The following CNTN1 variants were observed in gnomAD, a reference collection of about 807,000 sequenced individuals.
The protein encoded by CNTN1 is contactin-1.
A neutral mutation model predicts 126.4 loss-of-function variants in CNTN1; 38 were observed. The observed-to-expected ratio is 0.30, with a 90% CI of 0.23 to 0.39. CNTN1 has a LOEUF of 0.39. CNTN1 is among the 10% of genes least tolerant of loss of function. The probability of loss-of-function intolerance (pLI) is 1.00; values close to 1 mark genes in which losing one functional copy is unlikely to be tolerated. For missense variants in CNTN1, 1,009 were observed against 1,248.4 expected (o/e 0.81, Z 2.89); for synonymous variants, 413 against 422.6 (o/e 0.98, Z 0.28).
chr12:41,036,005 T>C (rs1473732801), intron 23 of CNTN1, among the ~76,000 whole-genome samples: 11 of 152,070 alleles, frequency 7.2e-5, no homozygotes, highest in Admixed American at 7.2e-4. Flanking sequence ...AGAAAATAGA[T>C]TGGAGTGAGA....
At chr12:40,915,190 A>G (rs1428904695) in intron 3 of CNTN1, among the ~76,000 whole-genome samples, 2 of 152,286 alleles carry the variant, frequency 1.3e-5, no homozygotes, top group Non-Finnish European at 2.9e-5. Context: ...ATGAAAATCT[A>G]CTAATCTTTA....
At chr12:40,727,047 TTCC>T (rs1283887448) in intron 1 of CNTN1, among the ~76,000 whole-genome samples, 2 of 149,902 alleles carry the variant, frequency 1.3e-5, no homozygotes, top group African/African-American at 2.4e-5. Context: ...TTTAAAATAC[TTCC>T]TCATGTTCTT....
intron 6 of CNTN1, among the ~76,000 whole-genome samples, chr12:40,925,980 T>C (rs1190945440): frequency 2.6e-5 from 4 of 151,218 alleles, no homozygotes; most frequent in Non-Finnish European, 1.5e-5. Context: ...TGGACTTCAC[T>C]GCATCACTCA....
At chr12:40,858,702 C>T (rs181769200) in intron 1 of CNTN1, among the ~76,000 whole-genome samples, 1 of 152,160 alleles carries the variant, frequency 6.6e-6, no homozygotes, top group East Asian at 1.9e-4. Flanking sequence ...GCACTATTCA[C>T]AATAGCAAAG....
chr12:40,908,586 A>G, intron 2 of CNTN1, 93 bp downstream of exon 2: 2 of 911,578 alleles, frequency 2.2e-6, no homozygotes, highest in Non-Finnish European at 3.4e-6. Context: ...AAAAATTCTT[A>G]TTTTCTCGAC....
chr12:40,792,793 A>C (rs11178396), intron 1 of CNTN1, among the ~76,000 whole-genome samples: 52,749 of 151,996 alleles, frequency 0.35, 9,191 homozygotes, highest in Admixed American at 0.39. Flanking sequence ...TTTTTTAGGA[A>C]ATGTTATTCA....
chr12:40,733,491 C>T (rs1251132865), intron 1 of CNTN1, among the ~76,000 whole-genome samples: 2 of 151,806 alleles, frequency 1.3e-5, no homozygotes, highest in African/African-American at 4.8e-5. Flanking sequence ...TTCCTGCCCT[C>T]CCCCTTCCCC....
intron 1 of CNTN1, among the ~76,000 whole-genome samples, chr12:40,802,113 T>C (rs780936919): frequency 1.7e-4 from 26 of 151,924 alleles, no homozygotes; most frequent in Non-Finnish European, 3.4e-4. Context: ...TGGGAAAATA[T>C]TGAGAGTTCA....
intron 1 of CNTN1, among the ~76,000 whole-genome samples, chr12:40,844,068 G>GCTTTTTTTTTTTTTTTTTTTTTTT (rs1424373022): frequency 5.0e-5 from 2 of 40,238 alleles, no homozygotes; most frequent in Non-Finnish European, 5.2e-5. Flanking sequence ...TTGGCACAAT[G>GCTTTTTTTTTTTTTTTTTTTTTTT]ATTTTTTTTT....
chr12:40,916,058 G>A (rs541027560), intron 3 of CNTN1, among the ~76,000 whole-genome samples: 5 of 152,140 alleles, frequency 3.3e-5, no homozygotes, highest in Admixed American at 3.3e-4. Flanking sequence ...GAAGTACTTA[G>A]AAGATCTTTA....
intron 17 of CNTN1, among the ~76,000 whole-genome samples, chr12:40,997,618 T>C (rs1170392072): frequency 6.6e-6 from 1 of 152,200 alleles, no homozygotes; most frequent in Non-Finnish European, 1.5e-5. Flanking sequence ...TTAAGCCATC[T>C]GAAGACCTGA....
intron 1 of CNTN1, among the ~76,000 whole-genome samples, chr12:40,784,920 G>A (rs191652107): frequency 4.8e-4 from 73 of 152,206 alleles, no homozygotes; most frequent in African/African-American, 1.7e-3. Flanking sequence ...ATACTTTTGT[G>A]TGGTTACAGA....
At chr12:41,050,047 A>G (rs562886357) in intron 23 of CNTN1, among the ~76,000 whole-genome samples, 1 of 152,046 alleles carries the variant, frequency 6.6e-6, no homozygotes, top group South Asian at 2.1e-4. Flanking sequence ...TTACAGGTGC[A>G]TGCCACTAGG....
intron 22 of CNTN1, among the ~76,000 whole-genome samples, chr12:41,028,223 G>C (rs751313232): frequency 1.8e-4 from 28 of 151,968 alleles, no homozygotes; most frequent in Non-Finnish European, 3.8e-4. Context: ...GTAGAGACAG[G>C]GTTTCACCGT....
chr12:40,788,583 A>G (rs773534603), intron 1 of CNTN1, among the ~76,000 whole-genome samples: 21 of 152,070 alleles, frequency 1.4e-4, no homozygotes, highest in Non-Finnish European at 2.9e-4. Flanking sequence ...TAAAATCACA[A>G]AAGGATCCTT....
intron 1 of CNTN1, among the ~76,000 whole-genome samples, chr12:40,753,679 G>C (rs1481652773): frequency 6.6e-6 from 1 of 152,028 alleles, no homozygotes; most frequent in Non-Finnish European, 1.5e-5. Context: ...ATAACACGTG[G>C]GGATTATGGG....
intron 12 of CNTN1, among the ~76,000 whole-genome samples, chr12:40,940,989 T>C (rs1946247253): frequency 6.6e-6 from 1 of 152,278 alleles, no homozygotes; most frequent in Admixed American, 6.5e-5. Context: ...TCTTCCGTGA[T>C]AATAAAATCT....
chr12:40,851,275 C>T (rs1011735529), intron 1 of CNTN1, among the ~76,000 whole-genome samples: 1 of 152,206 alleles, frequency 6.6e-6, no homozygotes, highest in Non-Finnish European at 1.5e-5. Context: ...TGTATATACT[C>T]TTTTCACTTT....
chr12:40,942,022 T>C (rs189916677), intron 12 of CNTN1, among the ~76,000 whole-genome samples: 1 of 152,254 alleles, frequency 6.6e-6, no homozygotes, highest in Admixed American at 6.6e-5. Flanking sequence ...AAAAGATCAA[T>C]TGAAAACTAA....
Sources: gnomAD v4.1 joint callset for allele counts (sites outside exome capture counted in the v4.1 genomes callset) on GRCh38, gnomAD v4.1.1 for gene constraint, MANE v1.5 for transcripts, NCBI Gene and HGNC (gene_info 2026-07-23, HGNC 2026-07-21) for gene names.